PCDHA5: variants seen among roughly 807,000 people sequenced by gnomAD.
PCDHA5 encodes protocadherin alpha-5.
A neutral mutation model predicts 61.6 loss-of-function variants in PCDHA5; 43 were observed. The observed-to-expected ratio is 0.70, with a 90% CI of 0.55 to 0.90. PCDHA5 has a LOEUF of 0.90. PCDHA5 is among the 40% of genes least tolerant of loss of function. PCDHA5 has a pLI of 0.00. For missense variants in PCDHA5, 1,298 were observed against 1,222.7 expected (o/e 1.06, Z -0.92); for synonymous variants, 627 against 543.9 (o/e 1.15, Z -2.13).
rs150142414 is a variant in PCDHA5, at chr5:140,941,961, T to C, written c.2353-36988T>C. 4.6e-3 allele frequency among the ~76,000 whole-genome samples: 702 copies of C among 152,326 alleles called. 3 individuals are homozygous for C. Among genetic ancestry groups the C allele is most frequent in the African/African-American group, 0.016 (679 of 41,550 alleles). On this transcript the variant is annotated intron_variant, in intron 1 of 3. Transcript: ENST00000529859. Reference sequence around the variant, plus strand: ...TACTTTTGTTTTGAAAACAATAGTATCTTTACTTTCCCTAAACCTTGATAA... The same window carrying C: ...TACTTTTGTTTTGAAAACAATAGTACCTTTACTTTCCCTAAACCTTGATAA...
chr5:140,927,755 C>G (rs1388061408), intron 1 of PCDHA5: 6 of 1,614,196 alleles, frequency 3.7e-6, no homozygotes, highest in Non-Finnish European at 5.1e-6. Flanking sequence ...CACGTGCACC[C>G]TAAAAGTGGG....
intron 1 of PCDHA5, among the ~76,000 whole-genome samples, chr5:140,957,373 T>C (rs906109440): frequency 6.6e-5 from 10 of 152,310 alleles, no homozygotes; most frequent in African/African-American, 2.2e-4. Context: ...ACTTTTATTA[T>C]AGTGTATTGT....
At chr5:140,858,750 C>T (rs1397058081) in intron 1 of PCDHA5, 3 of 453,980 alleles carry the variant, frequency 6.6e-6, no homozygotes, top group South Asian at 3.1e-5. Flanking sequence ...AATCACTTTT[C>T]GTTACAAATA....
In PCDHA5 at chr5:140,920,855, A is replaced by C. The variant is rs537725798; in HGVS notation, c.2353-58094A>C. Among the ~76,000 whole-genome samples, 935 of 152,094 alleles carry C rather than the reference A, an allele frequency of 6.1e-3. 10 individuals are homozygous for C. Among genetic ancestry groups the C allele is most frequent in the Admixed American group, 0.012 (185 of 15,278 alleles). On this transcript the variant is annotated intron_variant, in intron 1 of 3. Coordinates refer to ENST00000529859, the MANE Select transcript of PCDHA5 (RefSeq NM_018908.3). ...AAGACCAAATCTAAAAAAAAAAAAAAAAACAAACAAACTGTGGCCCTTAGA... is the reference window on the plus strand; with the variant it reads ...AAGACCAAATCTAAAAAAAAAAAAACAAACAAACAAACTGTGGCCCTTAGA...
chr5:140,870,028 T>A, intron 1 of PCDHA5: 1 of 1,613,550 alleles, frequency 6.2e-7, no homozygotes, highest in Non-Finnish European at 8.5e-7. Flanking sequence ...AACTTTAGAT[T>A]ATGAAGAAAA....
At chr5:140,875,518 C>T in intron 1 of PCDHA5, 1 of 1,614,008 alleles carries the variant, frequency 6.2e-7, no homozygotes, top group Non-Finnish European at 8.5e-7. Flanking sequence ...GCGTCTGCTG[C>T]TCTCGCTTCT....
rs112848471 is a variant in PCDHA5, at chr5:140,995,109, C to G, written c.2500+12546C>G. ...TATCTGTGGAGATACATTCCAAGAC[C>G]CTCAGTGGATGCCTGAAACCTCATT... On this transcript the variant is annotated intron_variant, in intron 3 of 3. Transcript: ENST00000529859. Among the ~76,000 whole-genome samples, 792 of 152,268 alleles carry G rather than the reference C, an allele frequency of 5.2e-3. 8 individuals are homozygous for G. Among genetic ancestry groups the G allele is most frequent in the African/African-American group, 0.019 (770 of 41,540 alleles).
rs2150120550 is a variant in PCDHA5, at chr5:140,822,939, A to G, written c.1164A>G (p.Leu388=). 6.2e-7 allele frequency: 1 copy of G among 1,614,182 alleles called. No individual in the cohort carries two copies. Among genetic ancestry groups the G allele is most frequent in the Non-Finnish European group, 8.5e-7 (1 of 1,180,020 alleles). Residue 388 remains leucine, a synonymous_variant, in exon 1 of 4, where the codon CTA becomes CTG. Transcript: ENST00000529859. ...CCAACGGGCAGGTGACCTGCTCCCT[A>G]ATGCCCCACGTTCCCTTCAAGCTGG... The part of the protein sequence containing the change: ...SGANGQVTCS[L]MPHVPFKLVS...
Position 140,870,192 on chromosome 5 carries a change from G to T in PCDHA5, c.2352+46065G>T. 6 of 1,614,158 alleles carry T rather than the reference G, an allele frequency of 3.7e-6. No homozygotes were observed. Among genetic ancestry groups the T allele is most frequent in the Non-Finnish European group, 5.1e-6 (6 of 1,180,034 alleles). ...CCCTCCCAGTACGAGAGGACGCTCAGCCCAGCACGGTCATTGCCCTGATCA... is the reference window on the plus strand; with the variant it reads ...CCCTCCCAGTACGAGAGGACGCTCATCCCAGCACGGTCATTGCCCTGATCA... On this transcript the variant is annotated intron_variant, in intron 1 of 3. Coordinates refer to ENST00000529859, the MANE Select transcript of PCDHA5 (RefSeq NM_018908.3).
intron 1 of PCDHA5, chr5:140,830,234 CT>C (rs2150183232): frequency 6.2e-7 from 1 of 1,613,834 alleles, no homozygotes; most frequent in Non-Finnish European, 8.5e-7. Flanking sequence ...GGTCCTCACG[CT>C]ACTGCTGTAC....
At chr5:140,856,713 C>T in intron 1 of PCDHA5, 1 of 1,596,470 alleles carries the variant, frequency 6.3e-7, no homozygotes, top group Non-Finnish European at 8.6e-7. Context: ...CCTGAATTTA[C>T]CGGATCTGTT....
At chr5:140,875,465 T>G in intron 1 of PCDHA5, 1 of 1,599,690 alleles carries the variant, frequency 6.3e-7, no homozygotes, top group Non-Finnish European at 8.5e-7. Flanking sequence ...AGGCCCTCAT[T>G]TTCTGCAATG....
At chr5:140,877,987 CT>C (rs2057428803) in intron 1 of PCDHA5, 14 of 1,151,184 alleles carry the variant, frequency 1.2e-5, no homozygotes, top group Non-Finnish European at 1.6e-5. Context: ...TCATTTTGAA[CT>C]TTTATGTATT....
At chr5:140,879,136 T>C (rs1225791251) in intron 1 of PCDHA5, among the ~76,000 whole-genome samples, 4 of 152,206 alleles carry the variant, frequency 2.6e-5, no homozygotes, top group Admixed American at 2.6e-4. Flanking sequence ...GGGGAGATTG[T>C]GAAGGCAGGA....
At chr5:140,925,643 T>TAATAATAATAAG (rs1195362666) in intron 1 of PCDHA5, among the ~76,000 whole-genome samples, 1 of 99,548 alleles carries the variant, frequency 1.0e-5, no homozygotes, top group Non-Finnish European at 2.0e-5. Context: ...ACTTAAAGTA[T>TAATAATAATAAG]AATAATAATA....
chr5:140,861,667 T>G (rs1459883845), intron 1 of PCDHA5: 1 of 254,356 alleles, frequency 3.9e-6, no homozygotes, highest in Admixed American at 4.6e-5. Context: ...CGAGAGCTCT[T>G]GATTATCGTG....
At chr5:140,848,914 T>G in intron 1 of PCDHA5, 4 of 1,608,096 alleles carry the variant, frequency 2.5e-6, no homozygotes, top group Non-Finnish European at 3.4e-6. Context: ...CAAAAGAATC[T>G]GTTCATCGCG....
At chr5:140,931,373 C>T (rs1290408788) in intron 1 of PCDHA5, among the ~76,000 whole-genome samples, 1 of 151,646 alleles carries the variant, frequency 6.6e-6, no homozygotes, top group Non-Finnish European at 1.5e-5. Context: ...TTTCACTAGA[C>T]TAGAAAGGAA....
intron 1 of PCDHA5, chr5:140,854,252 T>C (rs1188551859): frequency 1.8e-5 from 11 of 627,946 alleles, no homozygotes; most frequent in African/African-American, 2.0e-5. Flanking sequence ...TCACTTGGTA[T>C]AAAATGTACA....
Sources: gnomAD v4.1 joint callset for allele counts (sites outside exome capture counted in the v4.1 genomes callset) on GRCh38, gnomAD v4.1.1 for gene constraint, MANE v1.5 for transcripts, NCBI Gene and HGNC (gene_info 2026-07-23, HGNC 2026-07-21) for gene names.